Variants in PLCG2 observed in about 807,000 individuals in gnomAD.
PLCG2 encodes phospholipase C gamma 2, also known as 1-phosphatidylinositol 4,5-bisphosphate phosphodiesterase gamma-2.
Under a neutral mutation model 175.6 loss-of-function variants are expected in PLCG2, and 69 were observed. That is an observed-to-expected ratio of 0.39 (90% CI 0.32 to 0.48). The LOEUF (loss-of-function observed/expected upper bound fraction) is 0.48, where lower values mean the gene tolerates loss of function less well. Among genes scored for constraint, PLCG2 ranks in the 20% least tolerant of loss-of-function variants. The pLI, the probability that PLCG2 is intolerant of heterozygous loss-of-function variation, is 0.91. For synonymous variants in PLCG2, 827 were observed against 624.0 expected, an observed-to-expected ratio of 1.33 and a Z score of -4.85; for missense variants, 1,798 against 1,650.9, an observed-to-expected ratio of 1.09 and a Z score of -1.54.
In PLCG2 at chr16:81,912,907, G is replaced by A. The variant is rs572723728; in HGVS notation, c.2054+191G>A. On this transcript the variant is annotated intron_variant, in intron 19 of 32. Transcript: ENST00000564138. ...CTCCTGCGTGCCAGGCACAGTCTGCGTTCTCCAGGGCAGGATGTTCTGTAG... is the reference window on the plus strand; with the variant it reads ...CTCCTGCGTGCCAGGCACAGTCTGCATTCTCCAGGGCAGGATGTTCTGTAG... Among the ~76,000 whole-genome samples, 15 of 152,376 alleles carry A rather than the reference G, an allele frequency of 9.8e-5. No individual in the cohort carries two copies. The East Asian group carries it at 1.7e-3, about 18-fold the overall frequency.
chr16:81,841,526 C>G (rs12599660), intron 2 of PLCG2, among the ~76,000 whole-genome samples: 44,133 of 152,102 alleles, frequency 0.29, 7,599 homozygotes, highest in East Asian at 0.59. Context: ...CAGGCATGAA[C>G]CACTGCGCCC....
At chr16:81,917,245 T>A (rs866158444) in intron 19 of PLCG2, among the ~76,000 whole-genome samples, 3,745 of 98,838 alleles carry the variant, frequency 0.038, 143 homozygotes, top group African/African-American at 0.12. Context: ...TTTTTTTTTT[T>A]AAAGCAAATG....
At chr16:81,935,660 C>T in intron 26 of PLCG2, 2 of 985,404 alleles carry the variant, frequency 2.0e-6, no homozygotes, top group Non-Finnish European at 2.4e-6. Context: ...TATCCCACCA[C>T]AGCTGGATGG....
chr16:81,792,499 A>C lies in PLCG2; in HGVS notation c.193+6317A>C, dbSNP rs1203695501. On this transcript the variant is annotated intron_variant, in intron 2 of 32. Transcript: ENST00000564138. ...CTGTCTCAAAAAAAAAAAAAAAAAA[A>C]AAAAAAAAAAAAGACAAAACAAAAC... Among the ~76,000 whole-genome samples, 1,144 of 148,846 alleles carry C rather than the reference A, an allele frequency of 7.7e-3. 39 individuals carry two copies. The highest frequency in any genetic ancestry group is 0.027 in the African/African-American group (1,080 of 40,574).
At chr16:81,773,739 G>A (rs145558149) in intron 2 of PLCG2, among the ~76,000 whole-genome samples, 16 of 152,202 alleles carry the variant, frequency 1.1e-4, no homozygotes, top group Non-Finnish European at 1.3e-4. Context: ...ATATGCGTTC[G>A]CAGACTCACT....
chr16:81,875,623 A>C (rs9932652), intron 7 of PLCG2, among the ~76,000 whole-genome samples: 49,578 of 152,060 alleles, frequency 0.33, 8,269 homozygotes, highest in African/African-American at 0.36. Flanking sequence ...GCAGACATCA[A>C]GCAGCGTATC....
chr16:81,868,247 G>C (rs1907342934), intron 5 of PLCG2, among the ~76,000 whole-genome samples: 1 of 152,202 alleles, frequency 6.6e-6, no homozygotes, highest in African/African-American at 2.4e-5. Context: ...ATGCCTGGAT[G>C]ACCCCAGGGC....
chr16:81,767,795 G>T (rs1310975710), intron 2 of PLCG2: 1 of 152,088 alleles, frequency 6.6e-6, no homozygotes, highest in Non-Finnish European at 1.5e-5. Context: ...GGCAACCACG[G>T]ATTTGCTTTC....
chr16:81,794,055 G>C (rs1379644926), intron 2 of PLCG2, among the ~76,000 whole-genome samples: 1 of 152,174 alleles, frequency 6.6e-6, no homozygotes, highest in East Asian at 1.9e-4. Context: ...AGAAACACAT[G>C]AATTCCTTAC....
chr16:81,757,420 C>G (rs527650077), intron 2 of PLCG2, among the ~76,000 whole-genome samples: 1 of 151,954 alleles, frequency 6.6e-6, no homozygotes, highest in African/African-American at 2.4e-5. Flanking sequence ...AAACATTAGC[C>G]GGGCGCGGTG....
At chr16:81,749,851 C>G (rs897921086) in intron 1 of PLCG2, among the ~76,000 whole-genome samples, 2 of 152,116 alleles carry the variant, frequency 1.3e-5, no homozygotes, top group African/African-American at 4.8e-5. Flanking sequence ...GCTTATGAAG[C>G]AAAGACACAA....
chr16:81,869,372 G>C (rs1192811865), intron 6 of PLCG2, 74 bp downstream of exon 6: 1 of 1,066,366 alleles, frequency 9.4e-7, no homozygotes, highest in Non-Finnish European at 1.5e-6. Context: ...GCCGTGGCTT[G>C]CCTTTGAGTT....
At chr16:81,784,583 CT>C (rs1276892673) in intron 1 of PLCG2, among the ~76,000 whole-genome samples, 2 of 152,176 alleles carry the variant, frequency 1.3e-5, no homozygotes, top group African/African-American at 4.8e-5. Flanking sequence ...CTCCAGGCAC[CT>C]CCAGGGACTT....
At chr16:81,887,687 C>G (rs1247962611) in intron 9 of PLCG2, among the ~76,000 whole-genome samples, 2 of 152,202 alleles carry the variant, frequency 1.3e-5, no homozygotes, top group Non-Finnish European at 2.9e-5. Flanking sequence ...CATCTAAGCA[C>G]ACACACATCT....
At chr16:81,764,539 G>A (rs12932589) in intron 2 of PLCG2, among the ~76,000 whole-genome samples, 81,607 of 152,016 alleles carry the variant, frequency 0.54, 22,973 homozygotes, top group Middle Eastern at 0.63. Flanking sequence ...CTGGCCAAGC[G>A]TGCCCCGTGC....
intron 13 of PLCG2, among the ~76,000 whole-genome samples, chr16:81,899,227 C>T (rs1219012169): frequency 6.6e-6 from 1 of 151,054 alleles, no homozygotes; most frequent in African/African-American, 2.4e-5. Flanking sequence ...TAAATAAATA[C>T]ATAAATAAAT....
intron 7 of PLCG2, among the ~76,000 whole-genome samples, chr16:81,877,193 G>A (rs1382423669): frequency 4.6e-5 from 7 of 152,216 alleles, no homozygotes; most frequent in Non-Finnish European, 1.0e-4. Flanking sequence ...GGTGGCTCAC[G>A]CCTGTAATCC....
intron 1 of PLCG2, among the ~76,000 whole-genome samples, chr16:81,749,130 C>G (rs1324018379): frequency 6.6e-6 from 1 of 152,064 alleles, no homozygotes; most frequent in Admixed American, 6.6e-5. Flanking sequence ...GGCAGCCAAA[C>G]CAGGGTTTGA....
At chr16:81,871,525 A>T (rs1907514944) in intron 7 of PLCG2, among the ~76,000 whole-genome samples, 1 of 151,960 alleles carries the variant, frequency 6.6e-6, no homozygotes. Context: ...TTTAGTAGAG[A>T]TGGGGTTTTG....
Sources: allele counts gnomAD v4.1 joint callset (sites outside exome capture counted in the v4.1 genomes callset), GRCh38; gene constraint gnomAD v4.1.1; transcripts MANE v1.5; gene names NCBI Gene and HGNC (gene_info 2026-07-23, HGNC 2026-07-21).